CUBN: variants seen among roughly 807,000 people sequenced by gnomAD.
CUBN encodes cubilin.
A neutral mutation model predicts 405.3 loss-of-function variants in CUBN; 282 were observed. That is an observed-to-expected ratio of 0.70 (90% CI 0.63 to 0.77). CUBN has a LOEUF of 0.77. Ranked by LOEUF, CUBN falls within the 30% of genes least tolerant of loss-of-function variation. The pLI is 0.00. For missense variants in CUBN, 4,514 were observed against 4,475.2 expected (o/e 1.01, Z -0.25); for synonymous variants, 1,684 against 1,617.0 (o/e 1.04, Z -0.99).
At position 17,041,300 on chromosome 10, in the gene CUBN, AT is replaced by A. The variant is rs1028391001; in HGVS notation, c.3830-81del. ...AAGATGAGATTTTCCTTTAAAAAAAATAAATAAAAATCATCTGTGTATGTAC... is the reference window on the plus strand; with the variant it reads ...AAGATGAGATTTTCCTTTAAAAAAAAAAATAAAAATCATCTGTGTATGTAC... On this transcript the variant is annotated intron_variant, in intron 26 of 66. Transcript: ENST00000377833. 73 of 1,174,582 alleles carry A rather than the reference AT, an allele frequency of 6.2e-5. 1 individual carries two copies. Among genetic ancestry groups the A allele is most frequent in the East Asian group, 1.2e-4 (5 of 42,040 alleles). 72.8% of individuals were successfully genotyped at this position (1,174,582 alleles called of 1,614,324 possible). A position where few individuals can be genotyped will look rare whatever the true frequency, so the allele number is the denominator to read the frequency against.
chr10:16,962,268 T>C (rs1030231718), intron 31 of CUBN, among the ~76,000 whole-genome samples: 9 of 152,296 alleles, frequency 5.9e-5, no homozygotes, highest in Non-Finnish European at 1.2e-4. Context: ...TGTTAGCCTC[T>C]AGTATCAAAG....
Position 17,088,226 on chromosome 10 carries a change from T to A in CUBN, c.1885A>T (p.Thr629Ser). Reference sequence around the variant, plus strand: ...AGGCTCAAGGTCCCAAAAGTAAATGTTACCAGGAGGTCAGGACTAGTTACA... The same window carrying A: ...AGGCTCAAGGTCCCAAAAGTAAATGATACCAGGAGGTCAGGACTAGTTACA... Reference protein sequence around the residue: ...IVVTSPDLLVTFTFGTLSLEH... With the variant: ...IVVTSPDLLVSFTFGTLSLEH... Residue 629 changes from threonine to serine, a missense_variant, in exon 15 of 67, where the codon ACA becomes TCA. Physicochemically the swap from Thr to Ser is moderately conservative, Grantham distance 58. This residue lies in a region of CUBN where 1,448 missense variants were observed against 1,388.0 expected (regional missense o/e 1.04). Coordinates refer to ENST00000377833, the MANE Select transcript of CUBN (RefSeq NM_001081.4). The A allele has an allele frequency of 8.7e-6, 14 of 1,613,878 alleles. No individual in the cohort carries two copies. The highest frequency in any genetic ancestry group is 1.2e-5 in the Non-Finnish European group (14 of 1,179,778).
At chr10:16,987,357 A>G (rs1833455838) in intron 29 of CUBN, among the ~76,000 whole-genome samples, 1 of 152,264 alleles carries the variant, frequency 6.6e-6, no homozygotes, top group African/African-American at 2.4e-5. Context: ...TCTGATGATC[A>G]GAGATTTAAA....
chr10:17,030,268 T>A (rs1475588505), intron 27 of CUBN, among the ~76,000 whole-genome samples: 1 of 152,106 alleles, frequency 6.6e-6, no homozygotes, highest in Non-Finnish European at 1.5e-5. Flanking sequence ...ACTTGAATCA[T>A]CCTGAAACCA....
At chr10:16,951,422 C>G (rs1842918495) in intron 33 of CUBN, among the ~76,000 whole-genome samples, 1 of 152,178 alleles carries the variant, frequency 6.6e-6, no homozygotes, top group South Asian at 2.1e-4. Context: ...TAAGTGACTT[C>G]CCTATTTTCA....
chr10:17,032,811 G>A (rs1305767048), intron 27 of CUBN, among the ~76,000 whole-genome samples: 1 of 152,148 alleles, frequency 6.6e-6, no homozygotes, highest in African/African-American at 2.4e-5. Flanking sequence ...TCTGGGCAAG[G>A]ATAATCTCTT....
chr10:16,913,959 G>C lies in CUBN; in HGVS notation c.7385C>G (p.Thr2462Arg). The C allele has an allele frequency of 6.2e-7, 1 of 1,614,078 alleles. No individual in the cohort carries two copies. Among genetic ancestry groups the C allele is most frequent in the Non-Finnish European group, 8.5e-7 (1 of 1,180,018 alleles). Reference sequence around the variant, plus strand: ...GTTCGGGTAGTTGGGAGAAGTAAATGTTCCAATAGAGCCCTGAAGATCCCC... The same window carrying C: ...GTTCGGGTAGTTGGGAGAAGTAAATCTTCCAATAGAGCCCTGAAGATCCCC... ...CGGDLQGSIG[T>R]FTSPNYPNPN... is the part of the protein sequence containing the mutation. The change falls in exon 48 of 67, where the codon ACA becomes AGA. Residue 2462 changes from threonine (T) to arginine (R), a missense_variant. Thr to Arg is a moderately conservative substitution (Grantham distance 71). This residue lies in a region of CUBN where 1,613 missense variants were observed against 1,542.8 expected (regional missense o/e 1.05). Transcript: ENST00000377833.
At chr10:16,935,837 G>A (rs1464883868) in intron 39 of CUBN, among the ~76,000 whole-genome samples, 13 of 125,098 alleles carry the variant, frequency 1.0e-4, no homozygotes, top group Admixed American at 4.1e-4. Flanking sequence ...CCGAGATTGT[G>A]CCACTGCACT....
At chr10:16,839,821 G>A (rs1281556092) in intron 62 of CUBN, among the ~76,000 whole-genome samples, 1 of 151,922 alleles carries the variant, frequency 6.6e-6, no homozygotes, top group Non-Finnish European at 1.5e-5. Flanking sequence ...CATCCCAAAT[G>A]TCCAACAATG....
chr10:16,840,385 T>C lies in CUBN; in HGVS notation c.9977A>G (p.Gln3326Arg). The change falls in exon 62 of 67, where the codon CAG becomes CGG. Residue 3326 changes from glutamine (Q) to arginine (R), a missense_variant. Coordinates refer to ENST00000377833, the MANE Select transcript of CUBN (RefSeq NM_001081.4). ...CTGCGTGCAGTCTTGCGAGGTCAGC[T>C]GTAATGCCCACACAGTTATCTTGAC... ...QQVKITVWAL[Q>R]LTSQDCTQNY... 1 of 1,614,158 alleles carries C rather than the reference T, an allele frequency of 6.2e-7. No individual in the cohort carries two copies. The highest frequency in any genetic ancestry group is 2.2e-5 in the East Asian group (1 of 44,876).
At chr10:16,897,890 T>A (rs1841237392) in intron 54 of CUBN, among the ~76,000 whole-genome samples, 1 of 152,064 alleles carries the variant, frequency 6.6e-6, no homozygotes, top group Non-Finnish European at 1.5e-5. Context: ...CCCCATTCAA[T>A]CCAGAGAAGG....
intron 56 of CUBN, among the ~76,000 whole-genome samples, chr10:16,881,813 A>T (rs55924371): frequency 0.08 from 12,227 of 152,232 alleles, 1,610 homozygotes; most frequent in African/African-American, 0.28. Flanking sequence ...CAACAAAGTA[A>T]TATGCAAGAA....
At chr10:16,890,554 A>G in intron 54 of CUBN, 27 bp from the exon 55 acceptor site, 1 of 1,613,704 alleles carries the variant, frequency 6.2e-7, no homozygotes, top group Non-Finnish European at 8.5e-7. Context: ...CAGAACTTTA[A>G]TGCTCAAGGG....
At chr10:16,833,805 C>T (rs1588569063) in intron 64 of CUBN, among the ~76,000 whole-genome samples, 1 of 152,192 alleles carries the variant, frequency 6.6e-6, no homozygotes, top group South Asian at 2.1e-4. Context: ...TACACCGGTA[C>T]ATTTCTTTAT....
At position 17,106,597 on chromosome 10, in the gene CUBN, C is replaced by CAGAA. The variant is rs368335464; in HGVS notation, c.1112-1023_1112-1022insTTCT. Among the ~76,000 whole-genome samples the CAGAA allele has an allele frequency of 6.2e-3, 691 of 111,124 alleles. 8 individuals are homozygous for CAGAA. The highest frequency in any genetic ancestry group is 0.022 in the African/African-American group (666 of 30,454). 72.9% of individuals were successfully genotyped at this position (111,124 alleles called of 152,430 possible). A position where few individuals can be genotyped will look rare whatever the true frequency, so the allele number is the denominator to read the frequency against. ...TGGGAGACAGAGCAAAACGCCATCT[C>CAGAA]AAAAAAAAAAAAAAAAAGCCCTATA... On this transcript the variant is annotated intron_variant, in intron 10 of 66. Coordinates refer to ENST00000377833, the MANE Select transcript of CUBN (RefSeq NM_001081.4).
chr10:16,885,693 TATA>T (rs1392306818), intron 56 of CUBN, among the ~76,000 whole-genome samples: 1 of 152,170 alleles, frequency 6.6e-6, no homozygotes, highest in Admixed American at 6.5e-5. Context: ...TAGAGTCTCT[TATA>T]ATAATACATA....
chr10:16,870,817 C>T (rs920464504), intron 58 of CUBN, among the ~76,000 whole-genome samples: 11 of 152,184 alleles, frequency 7.2e-5, no homozygotes, highest in Admixed American at 3.9e-4. Flanking sequence ...CTGACAGATG[C>T]ATCCCTAACT....
chr10:17,034,756 T>G (rs1276422149), intron 27 of CUBN, among the ~76,000 whole-genome samples: 3 of 152,200 alleles, frequency 2.0e-5, no homozygotes, highest in African/African-American at 7.2e-5. Context: ...CTATAAACAC[T>G]AATGTACCAA....
At chr10:16,947,410 G>C (rs1262391832) in intron 35 of CUBN, 43 bp from the exon 36 acceptor site, 1 of 1,605,854 alleles carries the variant, frequency 6.2e-7, no homozygotes, top group Admixed American at 1.7e-5. Context: ...AGCAAAGACT[G>C]CATCAGACAC....
Sources: allele counts gnomAD v4.1 joint callset (sites outside exome capture counted in the v4.1 genomes callset), GRCh38; gene constraint gnomAD v4.1.1; regional missense constraint gnomAD v4.1.1; transcripts MANE v1.5; gene names NCBI Gene and HGNC (gene_info 2026-07-23, HGNC 2026-07-21).